The following MYO5B variants were observed in gnomAD, a reference collection of about 807,000 sequenced individuals.
MYO5B encodes myosin VB.
A neutral mutation model predicts 229.3 loss-of-function variants in MYO5B; 143 were observed. That is an observed-to-expected ratio of 0.62 (90% CI 0.54 to 0.72). MYO5B has a LOEUF of 0.72. Ranked by LOEUF, MYO5B falls within the 30% of genes least tolerant of loss-of-function variation. MYO5B has a pLI of 0.00. For synonymous variants in MYO5B, 918 were observed against 885.2 expected (o/e 1.04, Z -0.66); for missense variants, 2,321 against 2,331.0 (o/e 1.00, Z 0.09).
At chr18:49,956,912 C>T (rs569143330) in intron 12 of MYO5B, among the ~76,000 whole-genome samples, 19 of 152,116 alleles carry the variant, frequency 1.2e-4, no homozygotes, top group African/African-American at 4.6e-4. Flanking sequence ...TTGCCTGGGG[C>T]TGGAGGGGGG....
At chr18:49,842,582 C>T (rs989296165) in intron 34 of MYO5B, among the ~76,000 whole-genome samples, 1 of 152,244 alleles carries the variant, frequency 6.6e-6, no homozygotes, top group Admixed American at 6.5e-5. Context: ...GGTTCATCTC[C>T]CTCAAGAATC....
chr18:49,880,517 G>A (rs2024574937), intron 22 of MYO5B, 62 bp from the exon 23 acceptor site: 4 of 1,307,964 alleles, frequency 3.1e-6, no homozygotes, highest in Non-Finnish European at 4.4e-6. Flanking sequence ...GGCTCCTCTT[G>A]TGGGATTTGA....
intron 8 of MYO5B, among the ~76,000 whole-genome samples, chr18:49,982,052 ACT>A (rs2025821523): frequency 6.6e-6 from 1 of 151,942 alleles, no homozygotes; most frequent in Non-Finnish European, 1.5e-5. Flanking sequence ...AGAAGGATAT[ACT>A]CCCTAGACAG....
At chr18:49,870,506 G>T (rs2024444874) in intron 27 of MYO5B, among the ~76,000 whole-genome samples, 1 of 152,176 alleles carries the variant, frequency 6.6e-6, no homozygotes, top group Non-Finnish European at 1.5e-5. Flanking sequence ...CACAGAATGG[G>T]AGAAACTATT....
intron 14 of MYO5B, among the ~76,000 whole-genome samples, chr18:49,949,593 G>A (rs2025411492): frequency 6.6e-6 from 1 of 151,998 alleles, no homozygotes; most frequent in Non-Finnish European, 1.5e-5. Context: ...GAGTATATGG[G>A]TGTCTTCTAT....
intron 16 of MYO5B, among the ~76,000 whole-genome samples, chr18:49,931,729 C>T (rs1277702302): frequency 6.6e-6 from 1 of 152,186 alleles, no homozygotes; most frequent in African/African-American, 2.4e-5. Context: ...CCCATGACTG[C>T]GAGTGATCAG....
intron 4 of MYO5B, among the ~76,000 whole-genome samples, chr18:50,025,365 C>T (rs1687439407): frequency 6.6e-6 from 1 of 152,196 alleles, no homozygotes; most frequent in African/African-American, 2.4e-5. Context: ...CACCCTTCCT[C>T]CAACCAGTTC....
intron 39 of MYO5B, among the ~76,000 whole-genome samples, chr18:49,831,476 C>T (rs1261736396): frequency 1.3e-5 from 2 of 152,098 alleles, no homozygotes; most frequent in East Asian, 3.8e-4. Context: ...GATATTTCTC[C>T]AGAGAAGATA....
chr18:49,925,039 T>C (rs1324319132), intron 17 of MYO5B, among the ~76,000 whole-genome samples: 1 of 152,174 alleles, frequency 6.6e-6, no homozygotes, highest in Non-Finnish European at 1.5e-5. Flanking sequence ...ATTCCAAAGT[T>C]AACCTGAAAC....
chr18:50,012,956 G>T lies in MYO5B; in HGVS notation c.456-11545C>A, dbSNP rs575728166. The stretch of plus-strand genomic sequence containing the variant: ...TAGCAAAGACATAATCAACCTCACG[G>T]CTTAGCAGATAATTCATGTAACTGT... On this transcript the variant is annotated intron_variant, in intron 4 of 39. Coordinates refer to ENST00000285039, the MANE Select transcript of MYO5B (RefSeq NM_001080467.3). Among the ~76,000 whole-genome samples, 3 of 152,296 alleles carry T rather than the reference G, an allele frequency of 2.0e-5. No homozygotes were observed. The South Asian group carries it at 6.2e-4, about 32-fold the overall frequency.
chr18:49,975,247 G>C (rs1046801543), intron 9 of MYO5B, among the ~76,000 whole-genome samples: 1 of 152,116 alleles, frequency 6.6e-6, no homozygotes, highest in African/African-American at 2.4e-5. Context: ...TGGGCCCTTC[G>C]AAGGCACTAG....
chr18:50,037,139 A>C lies in MYO5B; in HGVS notation c.311-145T>G. ...CAGTCTTAACCAATCAATCAGCTCAATCAAGGCTCATCTGTGTGCTTCAGA... is the reference window on the plus strand; with the variant it reads ...CAGTCTTAACCAATCAATCAGCTCACTCAAGGCTCATCTGTGTGCTTCAGA... On this transcript the variant is annotated intron_variant, in intron 3 of 39. Coordinates refer to ENST00000285039, the MANE Select transcript of MYO5B (RefSeq NM_001080467.3). The C allele has an allele frequency of 4.8e-6, 4 of 835,396 alleles. No individual in the cohort carries two copies. In the South Asian group the frequency reaches 5.8e-5, roughly 12 times the overall value. 51.7% of individuals were successfully genotyped at this position (835,396 alleles called of 1,614,324 possible). A position where few individuals can be genotyped will look rare whatever the true frequency, so the allele number is the denominator to read the frequency against.
chr18:49,965,484 C>CACACACA (rs3221123), intron 10 of MYO5B, among the ~76,000 whole-genome samples: 2 of 148,758 alleles, frequency 1.3e-5, no homozygotes, highest in Non-Finnish European at 3.0e-5. Context: ...CACACACACA[C>CACACACA]CTCTTCTCAT....
intron 1 of MYO5B, among the ~76,000 whole-genome samples, chr18:50,186,293 T>G (rs763775810): frequency 2.0e-5 from 3 of 152,256 alleles, no homozygotes; most frequent in Non-Finnish European, 2.9e-5. Flanking sequence ...CAGCTGTTTC[T>G]GGGAATGAGA....
intron 35 of MYO5B, 67 bp downstream of exon 35, chr18:49,841,298 C>G: frequency 6.8e-7 from 1 of 1,481,276 alleles, no homozygotes; most frequent in Non-Finnish European, 9.4e-7. Flanking sequence ...TGAGGGTATA[C>G]AAAGCACTTC....
intron 14 of MYO5B, among the ~76,000 whole-genome samples, chr18:49,939,379 C>T (rs180972865): frequency 6.6e-6 from 1 of 152,012 alleles, no homozygotes; most frequent in African/African-American, 2.4e-5. Context: ...CTCTTGACCT[C>T]GTGATCCGCC....
intron 1 of MYO5B, among the ~76,000 whole-genome samples, chr18:50,174,214 A>G (rs2032961311): frequency 6.6e-6 from 1 of 152,188 alleles, no homozygotes; most frequent in Non-Finnish European, 1.5e-5. Context: ...AGAATAGGAT[A>G]AAGATACATA....
At chr18:49,963,081 C>T in intron 10 of MYO5B, 51 bp from the exon 11 acceptor site, 1 of 1,475,124 alleles carries the variant, frequency 6.8e-7, no homozygotes, top group Non-Finnish European at 9.5e-7. Context: ...ACAAAGGAAT[C>T]ACTGGGACTT....
At position 50,117,998 on chromosome 18, in the gene MYO5B, GGAT is replaced by G. The variant is rs1479591513; in HGVS notation, c.28-62623_28-62621del. 3.2e-4 allele frequency among the ~76,000 whole-genome samples: 48 copies of G among 152,262 alleles called. 1 individual carries two copies. Among genetic ancestry groups the G allele is most frequent in the African/African-American group, 1.2e-3 (48 of 41,570 alleles). On this transcript the variant is annotated intron_variant, in intron 1 of 39. Coordinates refer to ENST00000285039, the MANE Select transcript of MYO5B (RefSeq NM_001080467.3). ...TGCCAGATTTCACATGGAAGTGAAA[GGAT>G]AATAAATTCAAGTGGATGACAGCCA...
Sources: allele counts gnomAD v4.1 joint callset (sites outside exome capture counted in the v4.1 genomes callset), GRCh38; gene constraint gnomAD v4.1.1; transcripts MANE v1.5; gene names NCBI Gene and HGNC (gene_info 2026-07-23, HGNC 2026-07-21).